Variants in ARHGAP22 observed in about 807,000 individuals in gnomAD.
The protein encoded by ARHGAP22 is rho GTPase-activating protein 22.
In ARHGAP22, 48 loss-of-function variants were observed where a neutral mutation model predicts 59.1. The observed-to-expected ratio is 0.81, with a 90% CI of 0.64 to 1.03. The LOEUF (loss-of-function observed/expected upper bound fraction) is 1.03, where lower values mean the gene tolerates loss of function less well. Ranked by LOEUF, ARHGAP22 falls within the 50% of genes least tolerant of loss-of-function variation. The pLI is 0.00. For synonymous variants in ARHGAP22, 445 were observed against 416.4 expected (o/e 1.07, Z -0.84); for missense variants, 1,015 against 958.7 (o/e 1.06, Z -0.78).
intron 3 of ARHGAP22, among the ~76,000 whole-genome samples, chr10:48,534,119 G>C (rs997561715): frequency 6.6e-6 from 1 of 152,252 alleles, no homozygotes; most frequent in Admixed American, 6.5e-5. Flanking sequence ...GTGCCGGCCA[G>C]CCAGGTTCCC....
At chr10:48,602,137 A>C (rs2060420337) in intron 1 of ARHGAP22, among the ~76,000 whole-genome samples, 1 of 152,262 alleles carries the variant, frequency 6.6e-6, no homozygotes, top group Non-Finnish European at 1.5e-5. Context: ...GCATGGGTGC[A>C]CAATAAATGT....
intron 1 of ARHGAP22, among the ~76,000 whole-genome samples, chr10:48,597,310 G>A (rs2060126762): frequency 2.0e-5 from 3 of 152,108 alleles, no homozygotes; most frequent in East Asian, 1.9e-4. Context: ...TCCTACCCAC[G>A]GCCTGTTTCC....
chr10:48,622,168 C>A (rs2061307209), intron 1 of ARHGAP22, among the ~76,000 whole-genome samples: 1 of 152,152 alleles, frequency 6.6e-6, no homozygotes. Context: ...GAAGGACTTA[C>A]TTTTGTTATT....
At chr10:48,617,579 T>C (rs1186355146) in intron 1 of ARHGAP22, among the ~76,000 whole-genome samples, 3 of 151,810 alleles carry the variant, frequency 2.0e-5, no homozygotes, top group Non-Finnish European at 4.4e-5. Context: ...CACATGAAAA[T>C]TAAACACCAT....
intron 2 of ARHGAP22, among the ~76,000 whole-genome samples, chr10:48,582,281 C>A (rs538409204): frequency 3.9e-4 from 60 of 152,170 alleles, no homozygotes; most frequent in Non-Finnish European, 7.2e-4. Flanking sequence ...CAAGAGATAC[C>A]CTTTCTCTCT....
At chr10:48,634,987 T>C (rs1355955121) in intron 1 of ARHGAP22, among the ~76,000 whole-genome samples, 1 of 152,148 alleles carries the variant, frequency 6.6e-6, no homozygotes, top group Non-Finnish European at 1.5e-5. Context: ...ACATTGATCT[T>C]AGACTTCCAG....
At chr10:48,605,877 C>T (rs187951321), upstream of ARHGAP22, among the ~76,000 whole-genome samples, 95 of 152,178 alleles carry the variant, frequency 6.2e-4, 1 homozygote, top group African/African-American at 1.4e-4. Context: ...CATACAGTAC[C>T]GAGCAGCAGG....
chr10:48,486,583 A>G (rs868022386), intron 3 of ARHGAP22, among the ~76,000 whole-genome samples: 1 of 152,090 alleles, frequency 6.6e-6, no homozygotes, highest in Admixed American at 6.6e-5. Flanking sequence ...CAGATGATCC[A>G]CCCGTTTTGA....
At chr10:48,636,243 G>T (rs779812024) in intron 1 of ARHGAP22, among the ~76,000 whole-genome samples, 2 of 152,188 alleles carry the variant, frequency 1.3e-5, no homozygotes, top group South Asian at 2.1e-4. Context: ...GTCGATAAAG[G>T]CATGTTAGCT....
chr10:48,498,748 A>G (rs566243826), intron 3 of ARHGAP22, among the ~76,000 whole-genome samples: 30 of 152,332 alleles, frequency 2.0e-4, no homozygotes, highest in Non-Finnish European at 3.5e-4. Flanking sequence ...ATCCAATACC[A>G]GAAGCAACAT....
In ARHGAP22 at chr10:48,555,473, C is replaced by T. The variant is rs1364444624; in HGVS notation, c.312G>A (p.Glu104=). ...GPEDPGKHLF[E]ISPGGAGERE... Reference sequence around the variant, plus strand: ...GGTGCTCAGGCCTACCTGGGCTGATCTCAAAGAGGTGCTTCCCTGGGTCCT... The same window carrying T: ...GGTGCTCAGGCCTACCTGGGCTGATTTCAAAGAGGTGCTTCCCTGGGTCCT... The change falls in exon 3 of 10, where the codon GAG becomes GAA. Residue 104 remains glutamate (E), a synonymous_variant. Transcript: ENST00000249601. 3 of 1,613,974 alleles carry T rather than the reference C, an allele frequency of 1.9e-6. No individual in the cohort carries two copies. Among genetic ancestry groups the T allele is most frequent in the Non-Finnish European group, 2.5e-6 (3 of 1,179,986 alleles).
At position 48,583,309 on chromosome 10, in the gene ARHGAP22, G is replaced by A. The variant is rs539862311; in HGVS notation, c.35-157C>T. On this transcript the variant is annotated intron_variant, in intron 1 of 9. Transcript: ENST00000249601. ...GCCTACTTCCCCTTGGCATTGAAGG[G>A]GCATGGGTTGGAGCATCTGTGCAGC... Among the ~76,000 whole-genome samples, 22 of 152,354 alleles carry A rather than the reference G, an allele frequency of 1.4e-4. 1 individual carries two copies. The South Asian group carries it at 4.3e-3, about 30-fold the overall frequency.
intron 4 of ARHGAP22, among the ~76,000 whole-genome samples, chr10:48,462,448 C>T (rs904204328): frequency 2.6e-5 from 4 of 152,302 alleles, no homozygotes; most frequent in Admixed American, 6.5e-5. Flanking sequence ...GATGTTTGAA[C>T]GGAGAGGCAT....
chr10:48,459,562 G>A (rs1203549621), intron 5 of ARHGAP22, 122 bp downstream of exon 5: 5 of 1,140,684 alleles, frequency 4.4e-6, no homozygotes, highest in Non-Finnish European at 6.5e-6. Flanking sequence ...TGCCCACTAG[G>A]AGGGCTGGCC....
At chr10:48,655,252 TGTGTGGGG>T (rs2062766712), upstream of ARHGAP22, among the ~76,000 whole-genome samples, 1 of 2,352 alleles carries the variant, frequency 4.3e-4, no homozygotes, top group African/African-American at 1.2e-3. Context: ...TGTGTGTGTG[TGTGTGGGG>T]GGGGGGGGGG....
At chr10:48,652,126 G>T in intron 1 of ARHGAP22, 2 of 1,047,912 alleles carry the variant, frequency 1.9e-6, no homozygotes, top group Non-Finnish European at 2.8e-6. Context: ...ATGCCGCCTG[G>T]TGCTCTCAGC....
At chr10:48,470,778 G>A (rs1235979007) in intron 4 of ARHGAP22, among the ~76,000 whole-genome samples, 1 of 152,180 alleles carries the variant, frequency 6.6e-6, no homozygotes, top group African/African-American at 2.4e-5. Flanking sequence ...CAGGCCCACT[G>A]GCCAGGCAGG....
At chr10:48,434,230 T>G in the ARHGAP22 span, among the ~76,000 whole-genome samples, 4 of 152,220 alleles carry the variant, frequency 2.6e-5, no homozygotes, top group African/African-American at 9.7e-5. Flanking sequence ...AGAGTAGAAA[T>G]AAGAAGACCC....
In ARHGAP22 at chr10:48,475,715, C is replaced by G. The variant is rs1247476606; in HGVS notation, c.451+3921G>C. 2.0e-5 allele frequency among the ~76,000 whole-genome samples: 3 copies of G among 152,218 alleles called. 1 individual carries two copies. The highest frequency in any genetic ancestry group is 4.4e-5 in the Non-Finnish European group (3 of 68,032). ...CCACTGGGCCAGGCCACCCTCACCT[C>G]TCACCTGCACTGTTGTGTAAGGAGC... On this transcript the variant is annotated intron_variant, in intron 4 of 9. Transcript: ENST00000249601.
Sources: gnomAD v4.1 joint callset for allele counts (sites outside exome capture counted in the v4.1 genomes callset) on GRCh38, gnomAD v4.1.1 for gene constraint, MANE v1.5 for transcripts, NCBI Gene and HGNC (gene_info 2026-07-23, HGNC 2026-07-21) for gene names.